MMP16: variants seen among roughly 807,000 people sequenced by gnomAD.
MMP16 encodes the protein matrix metalloproteinase-16.
Under a neutral mutation model 67.8 loss-of-function variants are expected in MMP16, and 12 were observed. The observed-to-expected ratio is 0.18, with a 90% CI of 0.11 to 0.29. The LOEUF (loss-of-function observed/expected upper bound fraction) is 0.29. MMP16 is among the 10% of genes least tolerant of loss of function. The pLI is 1.00. For synonymous variants in MMP16, 249 were observed against 255.9 expected (o/e 0.97, Z 0.26); for missense variants, 475 against 765.7 (o/e 0.62, Z 4.48).
rs572078801 is a variant in MMP16, at chr8:88,032,583, T to A, written c.*8878A>T. 6.6e-6 allele frequency: 1 copy of A among 152,150 alleles called. No individual in the cohort carries two copies. Among genetic ancestry groups the A allele is most frequent in the East Asian group, 1.9e-4 (1 of 5,174 alleles). 9.4% of individuals were successfully genotyped at this position (152,150 alleles called of 1,614,324 possible). ...CTGATCAATAAAATCAATGAAAAAA[T>A]TAATTTAAGCACCACAAAATTTTGC... On this transcript the variant is annotated 3_prime_UTR_variant, in exon 10 of 10. Coordinates refer to ENST00000286614, the MANE Select transcript of MMP16 (RefSeq NM_005941.5).
rs1808075030 is a variant in MMP16, at chr8:88,037,824, T to C, written c.*3637A>G. The C allele has an allele frequency of 6.6e-6, 1 of 152,026 alleles. No individual in the cohort carries two copies. The highest frequency in any genetic ancestry group is 1.5e-5 in the Non-Finnish European group (1 of 67,910). 9.4% of individuals were successfully genotyped at this position (152,026 alleles called of 1,614,324 possible). Reference sequence around the variant, plus strand: ...TTTTACATGAAGACCATTACCTTGTTTACATTTGTGTTTATATTAGATAAA... The same window carrying C: ...TTTTACATGAAGACCATTACCTTGTCTACATTTGTGTTTATATTAGATAAA... On this transcript the variant is annotated 3_prime_UTR_variant, in exon 10 of 10. Coordinates refer to ENST00000286614, the MANE Select transcript of MMP16 (RefSeq NM_005941.5).
At chr8:88,189,271 G>C (rs981709845) in intron 2 of MMP16, among the ~76,000 whole-genome samples, 1 of 152,118 alleles carries the variant, frequency 6.6e-6, no homozygotes, top group Admixed American at 6.5e-5. Context: ...GGTAAGTGCT[G>C]TCACACCTCC....
chr8:88,238,657 C>T (rs1390257262), intron 1 of MMP16, among the ~76,000 whole-genome samples: 2 of 119,850 alleles, frequency 1.7e-5, no homozygotes, highest in Non-Finnish European at 3.3e-5. Context: ...CTGTGCAAGA[C>T]TCTGTTAAAA....
At chr8:88,323,815 TCCC>T in intron 1 of MMP16, among the ~76,000 whole-genome samples, 1 of 151,048 alleles carries the variant, frequency 6.6e-6, no homozygotes, top group East Asian at 1.9e-4. Context: ...ATCATGAAAA[TCCC>T]TATATGAGAT....
chr8:88,298,564 G>A (rs1386133630), intron 1 of MMP16, among the ~76,000 whole-genome samples: 2 of 152,082 alleles, frequency 1.3e-5, no homozygotes, highest in African/African-American at 4.8e-5. Flanking sequence ...TGTAGATTCT[G>A]GAGTTCTACT....
chr8:88,197,147 C>A lies in MMP16; in HGVS notation c.281+11G>T, dbSNP rs1809269092. On this transcript the variant is annotated intron_variant, in intron 2 of 9. Coordinates refer to ENST00000286614, the MANE Select transcript of MMP16 (RefSeq NM_005941.5). ...GACCAAAAAGAAAGGAGGATGGGAG[C>A]CATTACTTACTCAATTGTGTTTCTG... 1 of 1,606,658 alleles carries A rather than the reference C, an allele frequency of 6.2e-7. No homozygotes were observed. The highest frequency in any genetic ancestry group is 1.3e-5 in the African/African-American group (1 of 74,570).
chr8:88,048,803 TA>T (rs773234032), intron 8 of MMP16, among the ~76,000 whole-genome samples: 3 of 152,270 alleles, frequency 2.0e-5, no homozygotes, highest in Admixed American at 6.5e-5. Context: ...ATGATACATT[TA>T]AAAAAATTAT....
chr8:88,291,576 C>A (rs150025682), intron 1 of MMP16, among the ~76,000 whole-genome samples: 4 of 152,126 alleles, frequency 2.6e-5, no homozygotes, highest in Admixed American at 2.0e-4. Flanking sequence ...TGTCTTCAAG[C>A]GGGAAAAGAA....
intron 2 of MMP16, among the ~76,000 whole-genome samples, chr8:88,191,061 G>T (rs1333480054): frequency 6.6e-6 from 1 of 152,044 alleles, no homozygotes; most frequent in East Asian, 1.9e-4. Flanking sequence ...TTTTAATACT[G>T]ATTTAATTTT....
intron 4 of MMP16, among the ~76,000 whole-genome samples, chr8:88,151,885 G>C (rs937580779): frequency 4.9e-5 from 4 of 80,898 alleles, no homozygotes; most frequent in Admixed American, 1.5e-4. Context: ...GAAGGAAATA[G>C]AGACACAAAA....
intron 6 of MMP16, among the ~76,000 whole-genome samples, chr8:88,076,769 G>A (rs1180538466): frequency 6.6e-6 from 1 of 152,148 alleles, no homozygotes; most frequent in Non-Finnish European, 1.5e-5. Context: ...TTAAGTTATT[G>A]TAATGTATAT....
At chr8:88,249,330 T>A (rs1188965280) in intron 1 of MMP16, among the ~76,000 whole-genome samples, 1 of 152,010 alleles carries the variant, frequency 6.6e-6, no homozygotes, top group African/African-American at 2.4e-5. Context: ...AGTACTCCAA[T>A]GGGATGCTGA....
At chr8:88,086,918 G>A (rs190661010) in intron 6 of MMP16, among the ~76,000 whole-genome samples, 1 of 151,862 alleles carries the variant, frequency 6.6e-6, no homozygotes, top group African/African-American at 2.4e-5. Flanking sequence ...CTTAACCCTG[G>A]AACAGTTCCC....
rs1485326921 is a variant in MMP16 at position 88,149,507 on chromosome 8, G to C, written c.709+18162C>G. The stretch of plus-strand genomic sequence containing the variant: ...CAGTGGTTCTCCCAGCACGCGGCTG[G>C]AGATCTGAGAACGGGGGGACTGCCT... On this transcript the variant is annotated intron_variant, in intron 4 of 9. Transcript: ENST00000286614. Among the ~76,000 whole-genome samples the C allele has an allele frequency of 2.6e-5, 4 of 152,292 alleles. No individual in the cohort carries two copies. In the East Asian group the frequency reaches 7.8e-4, roughly 30 times the overall value.
chr8:88,244,781 T>C (rs969036202), intron 1 of MMP16, among the ~76,000 whole-genome samples: 2 of 152,208 alleles, frequency 1.3e-5, no homozygotes, highest in Non-Finnish European at 2.9e-5. Flanking sequence ...GTGACTTTCA[T>C]AGACATGTAC....
At position 88,078,375 on chromosome 8, in the gene MMP16, T is replaced by A. The variant is rs10111817; in HGVS notation, c.1084-3632A>T. On this transcript the variant is annotated intron_variant, in intron 6 of 9. Coordinates refer to ENST00000286614, the MANE Select transcript of MMP16 (RefSeq NM_005941.5). ...AGTTCACAGAGATAAATTCACATAG[T>A]GTACACCATGGAGCAGTAACATACG... 4.5e-3 allele frequency among the ~76,000 whole-genome samples: 692 copies of A among 152,296 alleles called. 4 individuals are homozygous for A. Among genetic ancestry groups the A allele is most frequent in the African/African-American group, 0.016 (660 of 41,570 alleles).
intron 1 of MMP16, among the ~76,000 whole-genome samples, chr8:88,318,417 C>A (rs1216671016): frequency 2.0e-5 from 3 of 152,078 alleles, no homozygotes; most frequent in African/African-American, 7.2e-5. Flanking sequence ...AGTTTTTAGT[C>A]CAGATAAGAC....
chr8:88,132,377 C>T (rs1302805267), intron 4 of MMP16, among the ~76,000 whole-genome samples: 1 of 151,944 alleles, frequency 6.6e-6, no homozygotes, highest in Middle Eastern at 3.4e-3. Flanking sequence ...CTTACAATTT[C>T]TAAGGGTAGA....
At chr8:88,256,430 C>T (rs542019878) in intron 1 of MMP16, among the ~76,000 whole-genome samples, 2 of 152,150 alleles carry the variant, frequency 1.3e-5, no homozygotes, top group South Asian at 4.1e-4. Context: ...GTGGTTATGT[C>T]ACCTACTGCT....
Sources: allele counts gnomAD v4.1 joint callset (sites outside exome capture counted in the v4.1 genomes callset), GRCh38; gene constraint gnomAD v4.1.1; transcripts MANE v1.5; gene names NCBI Gene and HGNC (gene_info 2026-07-23, HGNC 2026-07-21).